The following TANC2 variants were observed in gnomAD, a reference collection of about 807,000 sequenced individuals.
TANC2 encodes protein TANC2.
TANC2 carries 26 observed loss-of-function variants against 210.5 expected under a neutral mutation model. That is an observed-to-expected ratio of 0.12 (90% CI 0.09 to 0.17). The LOEUF (loss-of-function observed/expected upper bound fraction) is 0.17, where lower values mean the gene tolerates loss of function less well. Among genes scored for constraint, TANC2 ranks in the 10% least tolerant of loss-of-function variants. The pLI, the probability that TANC2 is intolerant of heterozygous loss-of-function variation, is 1.00. For missense variants in TANC2, 2,129 were observed against 2,608.9 expected, an observed-to-expected ratio of 0.82 and a Z score of 4.01; for synonymous variants, 931 against 967.1, an observed-to-expected ratio of 0.96 and a Z score of 0.69.
At chr17:63,371,246 C>T (rs1371881299) in intron 14 of TANC2, among the ~76,000 whole-genome samples, 3 of 152,074 alleles carry the variant, frequency 2.0e-5, no homozygotes, top group African/African-American at 7.2e-5. Flanking sequence ...AGGTGGATCA[C>T]CTGAGGTCAG....
chr17:63,179,703 T>C (rs1177366747), intron 5 of TANC2, among the ~76,000 whole-genome samples: 1 of 152,156 alleles, frequency 6.6e-6, no homozygotes, highest in Non-Finnish European at 1.5e-5. Flanking sequence ...TCTTTTTCCC[T>C]GACTCTACTG....
chr17:63,361,940 T>TA (rs1294050875), intron 14 of TANC2, among the ~76,000 whole-genome samples: 1 of 152,206 alleles, frequency 6.6e-6, no homozygotes, highest in East Asian at 1.9e-4. Flanking sequence ...GAGTAGCTCC[T>TA]ATGCACAGGC....
At chr17:63,305,627 A>G (rs1354609416) in intron 9 of TANC2, 2 of 152,228 alleles carry the variant, frequency 1.3e-5, no homozygotes, top group Non-Finnish European at 2.9e-5. Flanking sequence ...TTGGAAAAAC[A>G]GTATTTAAAA....
chr17:63,139,374 C>T (rs1340396995), intron 4 of TANC2, among the ~76,000 whole-genome samples: 1 of 152,100 alleles, frequency 6.6e-6, no homozygotes. Context: ...CTCCTGTATT[C>T]CCAGCACTAT....
At chr17:63,126,113 C>T (rs761042481) in intron 4 of TANC2, among the ~76,000 whole-genome samples, 29 of 152,264 alleles carry the variant, frequency 1.9e-4, no homozygotes, top group Middle Eastern at 3.4e-3. Flanking sequence ...AATAAGTGCT[C>T]AATTATTGCT....
At position 63,087,110 on chromosome 17, in the gene TANC2, A is replaced by G. The variant is rs150872135; in HGVS notation, c.140-12065A>G. Among the ~76,000 whole-genome samples the G allele has an allele frequency of 3.6e-4, 55 of 152,364 alleles. No homozygotes were observed. The East Asian group carries it at 0.011, about 29-fold the overall frequency. ...TTAAGAGCTGTAACAATCACCACGAAGGTCTGTGTCAGTGAGACCACAAAC... is the reference window on the plus strand; with the variant it reads ...TTAAGAGCTGTAACAATCACCACGAGGGTCTGTGTCAGTGAGACCACAAAC... On this transcript the variant is annotated intron_variant, in intron 3 of 27. Transcript: ENST00000689528.
intron 20 of TANC2, among the ~76,000 whole-genome samples, chr17:63,405,607 T>C (rs1186989624): frequency 6.6e-6 from 1 of 152,192 alleles, no homozygotes; most frequent in Non-Finnish European, 1.5e-5. Context: ...TAAAAGAAAA[T>C]ACAGTGAATG....
At chr17:63,234,941 C>A (rs1283530652) in intron 7 of TANC2, among the ~76,000 whole-genome samples, 2 of 151,950 alleles carry the variant, frequency 1.3e-5, no homozygotes. Context: ...TCTCATGGTA[C>A]AATTTAAAGG....
intron 11 of TANC2, among the ~76,000 whole-genome samples, chr17:63,319,323 G>T (rs2045420538): frequency 6.6e-6 from 1 of 152,146 alleles, no homozygotes; most frequent in African/African-American, 2.4e-5. Flanking sequence ...AATAAATAAA[G>T]AAGTTGAGAC....
Position 62,984,600 on chromosome 17 carries a change from G to A in TANC2, c.-24+17851G>A, listed in dbSNP as rs186148175. ...TTTTCTGCTGTAGGCATTTATCACT[G>A]TACACTTGTGTCTTAATACTACTTT... On this transcript the variant is annotated intron_variant, in intron 1 of 27. Transcript: ENST00000689528. 1.2e-3 allele frequency among the ~76,000 whole-genome samples: 189 copies of A among 151,984 alleles called. 1 individual carries two copies. The highest frequency in any genetic ancestry group is 4.3e-3 in the African/African-American group (180 of 41,512).
chr17:63,253,918 G>A (rs2043120064), intron 8 of TANC2, among the ~76,000 whole-genome samples: 1 of 152,026 alleles, frequency 6.6e-6, no homozygotes, highest in Non-Finnish European at 1.5e-5. Context: ...CAAAGTGCTG[G>A]GATTACAAGC....
At chr17:63,260,761 C>CAA (rs745741190) in intron 8 of TANC2, among the ~76,000 whole-genome samples, 3 of 126,642 alleles carry the variant, frequency 2.4e-5, no homozygotes, top group African/African-American at 8.7e-5. Context: ...GACCCTGTCT[C>CAA]AAAAAAAAAA....
intron 1 of TANC2, among the ~76,000 whole-genome samples, chr17:62,992,763 G>A (rs1247282480): frequency 1.3e-5 from 2 of 152,148 alleles, no homozygotes; most frequent in Non-Finnish European, 2.9e-5. Flanking sequence ...ATGTAACTAT[G>A]TTATACATGT....
chr17:63,001,200 T>A (rs2033363893), intron 1 of TANC2, among the ~76,000 whole-genome samples: 1 of 152,200 alleles, frequency 6.6e-6, no homozygotes, highest in South Asian at 2.1e-4. Context: ...AGAGTTTGAG[T>A]TAGAAGTTCT....
intron 5 of TANC2, among the ~76,000 whole-genome samples, chr17:63,168,923 A>G (rs2145552138): frequency 6.6e-6 from 1 of 152,358 alleles, no homozygotes; most frequent in Admixed American, 6.5e-5. Context: ...TTATTAGCTT[A>G]GACATGTATG....
rs182616911 is a variant in TANC2, at chr17:63,141,825, T to A, written c.323-9445T>A. On this transcript the variant is annotated intron_variant, in intron 4 of 27. Transcript: ENST00000689528. ...AAAAATTGTTACATTTAATTCTTAT[T>A]TGAGTGCCAAATAAGATCAGAGCAA... 5.1e-4 allele frequency among the ~76,000 whole-genome samples: 78 copies of A among 152,274 alleles called. 1 individual carries two copies. The highest frequency in any genetic ancestry group is 1.9e-3 in the African/African-American group (78 of 41,562).
chr17:63,206,903 C>A (rs1015389967), intron 7 of TANC2, among the ~76,000 whole-genome samples: 8 of 152,054 alleles, frequency 5.3e-5, no homozygotes, highest in African/African-American at 1.9e-4. Flanking sequence ...CACAGTAAAA[C>A]ATTTTTAAAA....
chr17:63,297,767 AAAGAC>A (rs2044581619), intron 9 of TANC2, among the ~76,000 whole-genome samples: 1 of 152,180 alleles, frequency 6.6e-6, no homozygotes, highest in Non-Finnish European at 1.5e-5. Flanking sequence ...AAAAAAATGA[AAAGAC>A]AGCCCACAAA....
chr17:63,116,477 C>A (rs1320487848), intron 4 of TANC2, among the ~76,000 whole-genome samples: 1 of 152,142 alleles, frequency 6.6e-6, no homozygotes, highest in African/African-American at 2.4e-5. Context: ...TAGGGAGAGG[C>A]CTTTAGAAGC....
Sources: allele counts gnomAD v4.1 joint callset (sites outside exome capture counted in the v4.1 genomes callset), GRCh38; gene constraint gnomAD v4.1.1; transcripts MANE v1.5; gene names NCBI Gene and HGNC (gene_info 2026-07-23, HGNC 2026-07-21).